The following DLGAP2 variants were observed in gnomAD, a reference collection of about 807,000 sequenced individuals.
DLGAP2 encodes the protein disks large-associated protein 2.
Under a neutral mutation model 100.3 loss-of-function variants are expected in DLGAP2, and 26 were observed. The ratio of observed to expected loss-of-function variants is 0.26; its 90% CI spans 0.19 to 0.36. The LOEUF is 0.36. DLGAP2 is among the 10% of genes least tolerant of loss of function. DLGAP2 has a pLI of 1.00. For synonymous variants in DLGAP2, 886 were observed against 630.1 expected (o/e 1.41, Z -6.08); for missense variants, 1,858 against 1,453.2 (o/e 1.28, Z -4.53).
intron 2 of DLGAP2, among the ~76,000 whole-genome samples, chr8:1,030,435 A>T (rs546076904): frequency 1.3e-5 from 2 of 152,318 alleles, no homozygotes; most frequent in South Asian, 4.1e-4. Context: ...ACAGAATCCA[A>T]AGGTGCCTGG....
chr8:1,542,025 AC>A (rs1801379358), intron 4 of DLGAP2, among the ~76,000 whole-genome samples: 1 of 152,264 alleles, frequency 6.6e-6, no homozygotes, highest in Admixed American at 6.5e-5. Context: ...TCAGAGCAAC[AC>A]AGGAAACAGC....
chr8:1,300,942 C>T (rs2116993155), intron 3 of DLGAP2: 1 of 152,404 alleles, frequency 6.6e-6, no homozygotes, highest in Middle Eastern at 3.4e-3. Flanking sequence ...GCTCAGCGTC[C>T]TCCCTGTGGC....
chr8:1,591,995 C>T (rs1202237702), intron 6 of DLGAP2, among the ~76,000 whole-genome samples: 1 of 152,184 alleles, frequency 6.6e-6, no homozygotes, highest in Admixed American at 6.5e-5. Context: ...TTTCCAGGAT[C>T]TAGCTTCATG....
chr8:1,136,309 A>C (rs75944258), intron 2 of DLGAP2, among the ~76,000 whole-genome samples: 3 of 149,944 alleles, frequency 2.0e-5, no homozygotes, highest in East Asian at 2.0e-4. Context: ...GTAAAAAAAA[A>C]CTCCCCTCCC....
intron 2 of DLGAP2, among the ~76,000 whole-genome samples, chr8:983,177 A>G (rs1414184028): frequency 6.6e-6 from 1 of 152,234 alleles, no homozygotes; most frequent in Non-Finnish European, 1.5e-5. Context: ...TCGGACACTG[A>G]TGGACCTTTA....
chr8:1,066,313 A>C (rs1372642634), intron 2 of DLGAP2, among the ~76,000 whole-genome samples: 1 of 149,902 alleles, frequency 6.7e-6, no homozygotes, highest in African/African-American at 2.5e-5. Flanking sequence ...ACAGCTCCCC[A>C]CCATGGGCAG....
intron 2 of DLGAP2, among the ~76,000 whole-genome samples, chr8:1,073,664 C>T (rs776153015): frequency 1.3e-5 from 2 of 152,204 alleles, no homozygotes; most frequent in Non-Finnish European, 2.9e-5. Context: ...CACAGAGGAG[C>T]TGTGTGTGCA....
chr8:1,691,428 T>C, intron 12 of DLGAP2, 107 bp from the exon 13 acceptor site: 1 of 936,440 alleles, frequency 1.1e-6, no homozygotes, highest in Non-Finnish European at 1.6e-6. Context: ...AGTCGTCAGT[T>C]TTCATCTCCA....
At chr8:1,320,104 G>A (rs1563081119) in intron 3 of DLGAP2, among the ~76,000 whole-genome samples, 1 of 152,122 alleles carries the variant, frequency 6.6e-6, no homozygotes, top group African/African-American at 2.4e-5. Flanking sequence ...TGCAAGTAGA[G>A]ACCATGAGAG....
In DLGAP2 at chr8:965,001, T is replaced by G. The variant is rs867613292; in HGVS notation, c.73+57035T>G. 2.3e-3 allele frequency among the ~76,000 whole-genome samples: 246 copies of G among 109,058 alleles called. No homozygotes were observed. In the Middle Eastern group the frequency reaches 0.027, roughly 12 times the overall value. The allele number at this position is 109,058 out of a possible 152,430, so 71.5% of individuals were successfully genotyped here. On this transcript the variant is annotated intron_variant, in intron 2 of 14. Transcript: ENST00000637795. ...TGCACACGGCACTGTTCACCTCACA[T>G]GGCTCCTGAGTCTGACCCCTGCGCT...
chr8:1,443,342 C>A (rs1423910556), intron 3 of DLGAP2, among the ~76,000 whole-genome samples: 7 of 152,136 alleles, frequency 4.6e-5, no homozygotes, highest in Non-Finnish European at 8.8e-5. Flanking sequence ...TCCAGCCTTC[C>A]CTCCACTGCC....
At chr8:881,110 G>A (rs1797782165) in intron 1 of DLGAP2, among the ~76,000 whole-genome samples, 1 of 152,208 alleles carries the variant, frequency 6.6e-6, no homozygotes, top group African/African-American at 2.4e-5. Context: ...AAATGACTTA[G>A]AGCAATACAC....
At chr8:914,737 A>G (rs1010045437) in intron 2 of DLGAP2, among the ~76,000 whole-genome samples, 2 of 152,244 alleles carry the variant, frequency 1.3e-5, no homozygotes, top group African/African-American at 4.8e-5. Flanking sequence ...GACATAAAGA[A>G]GTTTAATAGC....
chr8:823,601 T>C (rs1796629103), intron 1 of DLGAP2, among the ~76,000 whole-genome samples: 1 of 152,124 alleles, frequency 6.6e-6, no homozygotes, highest in South Asian at 2.1e-4. Context: ...CCAAGAGCTC[T>C]GCACAGACCC....
chr8:1,024,752 T>C (rs969460845), intron 2 of DLGAP2, among the ~76,000 whole-genome samples: 2 of 152,196 alleles, frequency 1.3e-5, no homozygotes, highest in African/African-American at 4.8e-5. Context: ...CGTAGGGTCC[T>C]CTGGGTGAAA....
intron 2 of DLGAP2, among the ~76,000 whole-genome samples, chr8:1,003,864 A>T (rs924294650): frequency 1.3e-5 from 2 of 152,250 alleles, no homozygotes; most frequent in African/African-American, 4.8e-5. Context: ...TCAAGAGATG[A>T]TACCACAAGC....
intron 3 of DLGAP2, among the ~76,000 whole-genome samples, chr8:1,427,298 CACA>C (rs1480471907): frequency 3.3e-5 from 5 of 152,168 alleles, no homozygotes; most frequent in East Asian, 1.9e-4. Context: ...ATTTGAACAA[CACA>C]ACGACAAATG....
chr8:1,278,361 C>T (rs1799748125), intron 3 of DLGAP2, among the ~76,000 whole-genome samples: 2 of 152,190 alleles, frequency 1.3e-5, no homozygotes, highest in Non-Finnish European at 2.9e-5. Flanking sequence ...GGACTCTGCT[C>T]CCCATGTCAT....
At chr8:1,483,697 G>GAGGCAGGTGCAGGAGGTGGGGACCAGGA (rs1563176008) in intron 3 of DLGAP2, among the ~76,000 whole-genome samples, 5 of 151,530 alleles carry the variant, frequency 3.3e-5, no homozygotes, top group African/African-American at 9.7e-5. Context: ...GGGGACCAGG[G>GAGGCAGGTGCAGGAGGTGGGGACCAGGA]AGGCAGGTGC....
Sources: allele counts gnomAD v4.1 joint callset (sites outside exome capture counted in the v4.1 genomes callset), GRCh38; gene constraint gnomAD v4.1.1; transcripts MANE v1.5; gene names NCBI Gene and HGNC (gene_info 2026-07-23, HGNC 2026-07-21).